Variants in MATN2 observed in about 807,000 individuals in gnomAD.
MATN2 encodes the protein matrilin 2.
MATN2 carries 69 observed loss-of-function variants against 103.2 expected under a neutral mutation model. The observed-to-expected ratio is 0.67, with a 90% CI of 0.55 to 0.82. MATN2 has a LOEUF of 0.82. Ranked by LOEUF, MATN2 falls within the 40% of genes least tolerant of loss-of-function variation. The probability of loss-of-function intolerance (pLI) is 0.00; values close to 1 mark genes in which losing one functional copy is unlikely to be tolerated. For missense variants in MATN2, 1,023 were observed against 1,211.5 expected, an observed-to-expected ratio of 0.84 and a Z score of 2.31; for synonymous variants, 429 against 450.2, an observed-to-expected ratio of 0.95 and a Z score of 0.60.
chr8:97,915,281 C>T (rs1302638726), intron 2 of MATN2, among the ~76,000 whole-genome samples: 3 of 152,142 alleles, frequency 2.0e-5, no homozygotes, highest in Non-Finnish European at 4.4e-5. Context: ...TGTGAGCCAT[C>T]GTGCCTGGCC....
rs1812923266 is a variant in MATN2, at chr8:98,005,063, T to C, written c.1327+1280T>C. On this transcript the variant is annotated intron_variant, in intron 8 of 18. Transcript: ENST00000254898. This position sits in a 1 kb window ranked among gnomAD's most constrained non-coding sequence, Gnocchi z 4.6. ...TTTGGAGAAAGAGATAGATTGTGAG[T>C]GAGGACAGTGCAGCTGTTGAGCCCT... Among the ~76,000 whole-genome samples, 1 of 152,080 alleles carries C rather than the reference T, an allele frequency of 6.6e-6. No individual in the cohort carries two copies. Among genetic ancestry groups the C allele is most frequent in the African/African-American group, 2.4e-5 (1 of 41,418 alleles).
chr8:97,975,690 C>T (rs2512043), intron 5 of MATN2, among the ~76,000 whole-genome samples: 54,673 of 151,942 alleles, frequency 0.36, 10,008 homozygotes, highest in Middle Eastern at 0.41. Context: ...ATGGCAGGCA[C>T]CCATATCCAG....
intron 1 of MATN2, among the ~76,000 whole-genome samples, chr8:97,878,800 G>A (rs547011667): frequency 6.6e-6 from 1 of 151,996 alleles, no homozygotes; most frequent in East Asian, 1.9e-4. Flanking sequence ...GCAGTGAGCC[G>A]AGATCATGCC....
chr8:97,948,983 A>G (rs1381822275), intron 4 of MATN2, among the ~76,000 whole-genome samples: 2 of 152,192 alleles, frequency 1.3e-5, no homozygotes, highest in Admixed American at 1.3e-4. Context: ...ACTTTAGAAT[A>G]TAAGGAATTC....
At chr8:97,972,052 T>C (rs991113685) in intron 5 of MATN2, among the ~76,000 whole-genome samples, 18 of 152,014 alleles carry the variant, frequency 1.2e-4, no homozygotes, top group African/African-American at 3.9e-4. Flanking sequence ...AAAAATTAGC[T>C]GGGGGTGGTA....
At chr8:98,009,157 T>C (rs574719111) in intron 10 of MATN2, among the ~76,000 whole-genome samples, 2 of 152,342 alleles carry the variant, frequency 1.3e-5, no homozygotes, top group East Asian at 1.9e-4. Flanking sequence ...TAAGTGAGAA[T>C]TGTCCTCAGG....
At chr8:97,890,983 C>T (rs572844236) in intron 2 of MATN2, among the ~76,000 whole-genome samples, 1 of 152,236 alleles carries the variant, frequency 6.6e-6, no homozygotes, top group South Asian at 2.1e-4. Context: ...TGTATATATC[C>T]ACCATCCTGT....
chr8:97,880,812 G>C (rs1335917934), intron 1 of MATN2, among the ~76,000 whole-genome samples: 1 of 152,060 alleles, frequency 6.6e-6, no homozygotes, highest in Non-Finnish European at 1.5e-5. Flanking sequence ...CGAAATCCTG[G>C]CCTCAAGTGA....
At chr8:98,015,782 G>T (rs1813338776) in intron 10 of MATN2, among the ~76,000 whole-genome samples, 1 of 152,158 alleles carries the variant, frequency 6.6e-6, no homozygotes, top group African/African-American at 2.4e-5. Context: ...GCTGCCAAAT[G>T]TAAGCTTCAC....
At chr8:97,961,605 T>C (rs1811321294) in intron 5 of MATN2, 75 bp downstream of exon 5, 2 of 1,410,620 alleles carry the variant, frequency 1.4e-6, no homozygotes, top group African/African-American at 2.9e-5. Flanking sequence ...GACTCACGTG[T>C]ACCTCCCACA....
intron 2 of MATN2, among the ~76,000 whole-genome samples, chr8:97,926,429 C>T (rs771950119): frequency 5.9e-5 from 9 of 152,106 alleles, no homozygotes; most frequent in Non-Finnish European, 1.3e-4. Context: ...AGAGTGTTCC[C>T]AGGTATTTGC....
intron 1 of MATN2, among the ~76,000 whole-genome samples, chr8:97,873,352 CTTT>C (rs772184378): frequency 5.6e-5 from 8 of 142,146 alleles, no homozygotes; most frequent in Non-Finnish European, 6.2e-5. Context: ...CTCTTTTTTT[CTTT>C]TTTTTTTTTT....
chr8:97,918,849 A>G (rs1809719567), intron 2 of MATN2, among the ~76,000 whole-genome samples: 1 of 152,158 alleles, frequency 6.6e-6, no homozygotes, highest in South Asian at 2.1e-4. Context: ...ACCACTCATT[A>G]ATCCCCTGAC....
intron 18 of MATN2, 68 bp from the exon 19 acceptor site, chr8:98,035,589 T>C: frequency 1.0e-6 from 1 of 989,382 alleles, no homozygotes; most frequent in Non-Finnish European, 1.5e-6. Flanking sequence ...TTTACGTGGA[T>C]AAATCAAGTT....
intron 2 of MATN2, among the ~76,000 whole-genome samples, chr8:97,914,813 G>T (rs1237597762): frequency 6.6e-6 from 1 of 152,140 alleles, no homozygotes; most frequent in Non-Finnish European, 1.5e-5. Context: ...TGCATACGCT[G>T]CCCTTTTACC....
intron 13 of MATN2, among the ~76,000 whole-genome samples, chr8:98,021,715 T>G (rs1009237614): frequency 4.0e-5 from 6 of 150,470 alleles, no homozygotes; most frequent in African/African-American, 1.2e-4. Context: ...AAAAGGAGTC[T>G]TGAGAGAATT....
At chr8:97,883,982 A>T (rs1818339279) in intron 1 of MATN2, among the ~76,000 whole-genome samples, 1 of 152,154 alleles carries the variant, frequency 6.6e-6, no homozygotes, top group Admixed American at 6.5e-5. Context: ...ATAAAAAGAA[A>T]GTTTTAAATA....
intron 6 of MATN2, among the ~76,000 whole-genome samples, chr8:97,988,526 T>G (rs1812281246): frequency 6.6e-6 from 1 of 152,036 alleles, no homozygotes; most frequent in African/African-American, 2.4e-5. Context: ...CTCGAAAGGC[T>G]GAGGCAGGAG....
intron 1 of MATN2, among the ~76,000 whole-genome samples, chr8:97,878,324 G>A (rs1471519764): frequency 6.6e-6 from 1 of 152,142 alleles, no homozygotes; most frequent in Non-Finnish European, 1.5e-5. Flanking sequence ...CAGCACTTGG[G>A]AGGCCAAGGC....
Sources: gnomAD v4.1 joint callset for allele counts (sites outside exome capture counted in the v4.1 genomes callset) on GRCh38, gnomAD v4.1.1 for gene constraint, Gnocchi (gnomAD v3.1) non-coding constraint, MANE v1.5 for transcripts, NCBI Gene and HGNC (gene_info 2026-07-23, HGNC 2026-07-21) for gene names.